WWTR1: variants seen among roughly 807,000 people sequenced by gnomAD.
WWTR1 encodes the protein WW domain containing transcription regulator 1, also known as WW domain-containing transcription regulator protein 1.
Under a neutral mutation model 40.1 loss-of-function variants are expected in WWTR1, and 13 were observed. That is an observed-to-expected ratio of 0.32 (90% CI 0.21 to 0.52). WWTR1 has a LOEUF of 0.52. WWTR1 is among the 20% of genes least tolerant of loss of function. The pLI is 0.97. For synonymous variants in WWTR1, 230 were observed against 210.1 expected (o/e 1.09, Z -0.82); for missense variants, 436 against 523.1 (o/e 0.83, Z 1.63).
chr3:149,620,764 T>C (rs1006660976), intron 2 of WWTR1, among the ~76,000 whole-genome samples: 1 of 152,200 alleles, frequency 6.6e-6, no homozygotes, highest in African/African-American at 2.4e-5. Flanking sequence ...ACTAACAGCA[T>C]TTCCATTGCA....
At chr3:149,680,457 T>C (rs1436070334) in intron 1 of WWTR1, among the ~76,000 whole-genome samples, 1 of 151,986 alleles carries the variant, frequency 6.6e-6, no homozygotes, top group East Asian at 1.9e-4. Flanking sequence ...GGCAGAAGAA[T>C]TGCTTGAACC....
At chr3:149,622,686 A>T (rs889068436) in intron 2 of WWTR1, among the ~76,000 whole-genome samples, 2 of 152,032 alleles carry the variant, frequency 1.3e-5, no homozygotes, top group Non-Finnish European at 2.9e-5. Context: ...ACCAAAACCA[A>T]ACCAAACCAA....
At chr3:149,568,922 A>C (rs1259165492) in intron 3 of WWTR1, among the ~76,000 whole-genome samples, 1 of 152,014 alleles carries the variant, frequency 6.6e-6, no homozygotes, top group Non-Finnish European at 1.5e-5. Flanking sequence ...GCCCGCCACC[A>C]CACCCAGCTA....
chr3:149,549,410 T>C (rs1736514114), intron 3 of WWTR1, among the ~76,000 whole-genome samples: 1 of 152,138 alleles, frequency 6.6e-6, no homozygotes, highest in African/African-American at 2.4e-5. Flanking sequence ...GAGAAAAATA[T>C]CAGACAAATT....
intron 3 of WWTR1, among the ~76,000 whole-genome samples, chr3:149,554,115 T>C (rs1004138713): frequency 6.6e-6 from 1 of 152,178 alleles, no homozygotes; most frequent in African/African-American, 2.4e-5. Context: ...CTGTAAAGTA[T>C]TAAACCGAGA....
intron 2 of WWTR1, among the ~76,000 whole-genome samples, chr3:149,610,863 C>A (rs537468851): frequency 2.6e-5 from 4 of 152,292 alleles, no homozygotes; most frequent in African/African-American, 9.6e-5. Context: ...GCCTTACTGT[C>A]CAGGCACAGT....
rs1553789771 is a variant in WWTR1 at position 149,547,223 on chromosome 3, A to AC, written c.569-4687_569-4686insG. On this transcript the variant is annotated intron_variant, in intron 3 of 6. Transcript: ENST00000360632. Reference sequence around the variant, plus strand: ...ATTTTAGGGAGAGAACAATAGTTCCATTAAAAAAAAAAAAAAAAGAGCTAG... The same window carrying AC: ...ATTTTAGGGAGAGAACAATAGTTCCACTTAAAAAAAAAAAAAAAAGAGCTAG... Among the ~76,000 whole-genome samples the AC allele has an allele frequency of 1.4e-4, 7 of 50,970 alleles. No homozygotes were observed. The East Asian group carries it at 5.7e-3, about 42-fold the overall frequency. 33.4% of individuals were successfully genotyped at this position (50,970 alleles called of 152,430 possible).
At chr3:149,626,047 C>A (rs929802146) in intron 2 of WWTR1, among the ~76,000 whole-genome samples, 1 of 152,150 alleles carries the variant, frequency 6.6e-6, no homozygotes, top group Non-Finnish European at 1.5e-5. Context: ...GCTACAACCA[C>A]ATAGCAATGA....
intron 4 of WWTR1, among the ~76,000 whole-genome samples, 194 bp from the exon 5 acceptor site, chr3:149,528,163 A>C (rs554463928): frequency 6.6e-6 from 1 of 152,362 alleles, no homozygotes; most frequent in African/African-American, 2.4e-5. Flanking sequence ...TCACATTCAC[A>C]AAGTTAATGG....
intron 2 of WWTR1, among the ~76,000 whole-genome samples, chr3:149,610,118 G>A (rs1195938256): frequency 6.6e-6 from 1 of 152,144 alleles, no homozygotes; most frequent in Non-Finnish European, 1.5e-5. Flanking sequence ...TTTCCCTTGA[G>A]ATGCTATTCT....
chr3:149,696,524 T>A (rs537103089), intron 1 of WWTR1, among the ~76,000 whole-genome samples: 1 of 152,314 alleles, frequency 6.6e-6, no homozygotes, highest in Admixed American at 6.5e-5. Flanking sequence ...GTTATAACAA[T>A]GCCCTGTACA....
intron 4 of WWTR1, among the ~76,000 whole-genome samples, chr3:149,722,656 G>A (rs1435282295): frequency 6.6e-6 from 1 of 151,786 alleles, no homozygotes; most frequent in Non-Finnish European, 1.5e-5. Flanking sequence ...ATTCCCTCAA[G>A]GCATATGTTG....
intron 1 of WWTR1, among the ~76,000 whole-genome samples, chr3:149,673,090 A>G (rs1253043378): frequency 6.6e-6 from 1 of 152,218 alleles, no homozygotes; most frequent in Non-Finnish European, 1.5e-5. Flanking sequence ...TAAAAGAAGA[A>G]ATAGGCCAGG....
chr3:149,528,226 C>T (rs1735421640), intron 4 of WWTR1, among the ~76,000 whole-genome samples: 1 of 152,162 alleles, frequency 6.6e-6, no homozygotes, highest in Non-Finnish European at 1.5e-5. Flanking sequence ...ATCATCCCAC[C>T]CATGCAATTA....
At chr3:149,666,766 A>G (rs921002698) in intron 2 of WWTR1, among the ~76,000 whole-genome samples, 1 of 152,236 alleles carries the variant, frequency 6.6e-6, no homozygotes, top group African/African-American at 2.4e-5. Flanking sequence ...ACCAGGACTC[A>G]ACCCCTCCAG....
intron 2 of WWTR1, among the ~76,000 whole-genome samples, chr3:149,583,944 A>G (rs1311408236): frequency 6.6e-6 from 1 of 152,184 alleles, no homozygotes; most frequent in Non-Finnish European, 1.5e-5. Context: ...TTCCCATATC[A>G]ACTGCATCTA....
intron 2 of WWTR1, among the ~76,000 whole-genome samples, chr3:149,656,424 A>C (rs768546320): frequency 3.3e-5 from 5 of 152,018 alleles, no homozygotes; most frequent in Admixed American, 2.0e-4. Context: ...CCAAGAAGAT[A>C]GAAACTGCAG....
At chr3:149,719,761 AC>A (rs1188575861) in intron 4 of WWTR1, among the ~76,000 whole-genome samples, 2 of 152,110 alleles carry the variant, frequency 1.3e-5, no homozygotes, top group African/African-American at 2.4e-5. Flanking sequence ...TTCTCCACAT[AC>A]CCTGCAAACA....
intron 1 of WWTR1, among the ~76,000 whole-genome samples, chr3:149,696,591 G>T (rs80336367): frequency 0.027 from 4,125 of 152,288 alleles, 129 homozygotes; most frequent in East Asian, 0.13. Context: ...ACAGAGCAAA[G>T]ATTCCTGGTG....
Sources: gnomAD v4.1 joint callset for allele counts (sites outside exome capture counted in the v4.1 genomes callset) on GRCh38, gnomAD v4.1.1 for gene constraint, MANE v1.5 for transcripts, NCBI Gene and HGNC (gene_info 2026-07-23, HGNC 2026-07-21) for gene names.